USP3: variants seen among roughly 807,000 people sequenced by gnomAD.
USP3 encodes the protein ubiquitin carboxyl-terminal hydrolase 3.
A neutral mutation model predicts 72.3 loss-of-function variants in USP3; 20 were observed. The ratio of observed to expected loss-of-function variants is 0.28; its 90% CI spans 0.19 to 0.40. The LOEUF (loss-of-function observed/expected upper bound fraction) is 0.40, where lower values mean the gene tolerates loss of function less well. USP3 is among the 10% of genes least tolerant of loss of function. USP3 has a pLI of 1.00. For missense variants in USP3, 479 were observed against 633.9 expected, an observed-to-expected ratio of 0.76 and a Z score of 2.62; for synonymous variants, 222 against 225.3, an observed-to-expected ratio of 0.99 and a Z score of 0.13.
chr15:63,576,805 A>G (rs1353788600), intron 11 of USP3, among the ~76,000 whole-genome samples: 2 of 152,196 alleles, frequency 1.3e-5, no homozygotes, highest in African/African-American at 4.8e-5. Flanking sequence ...AGTCGATGAC[A>G]GGGTCTGGTA....
rs79989581 is a variant in USP3 at position 63,552,420 on chromosome 15, C to T, written c.285-1295C>T. ...ATTTCTTTATGTAGTTGTTATAGGA[C>T]CAATGAAGAATTTTTTCTCCTGCTG... On this transcript the variant is annotated intron_variant, in intron 3 of 14. Transcript: ENST00000380324. 3.8e-3 allele frequency among the ~76,000 whole-genome samples: 573 copies of T among 152,094 alleles called. 29 individuals are homozygous for T. The East Asian group carries it at 0.098, about 26-fold the overall frequency.
chr15:63,589,118 A>T (rs2067134266), intron 14 of USP3, 107 bp downstream of exon 14: 3 of 1,307,848 alleles, frequency 2.3e-6, no homozygotes, highest in South Asian at 2.5e-5. Context: ...ATGGATTCAG[A>T]TAAAGTAGGT....
At chr15:63,569,328 C>T (rs1477342957) in intron 8 of USP3, among the ~76,000 whole-genome samples, 1 of 152,100 alleles carries the variant, frequency 6.6e-6, no homozygotes, top group Non-Finnish European at 1.5e-5. Flanking sequence ...ATTTAGTTGC[C>T]AGCTAGTTTA....
intron 2 of USP3, among the ~76,000 whole-genome samples, chr15:63,534,141 T>G (rs2066118306): frequency 1.3e-5 from 2 of 152,210 alleles, no homozygotes; most frequent in African/African-American, 4.8e-5. Flanking sequence ...CAAACAAGCT[T>G]AAATTTAGAA....
At chr15:63,563,944 T>C (rs8034704) in intron 8 of USP3, among the ~76,000 whole-genome samples, 86 of 152,360 alleles carry the variant, frequency 5.6e-4, no homozygotes, top group African/African-American at 2.0e-3. Context: ...GTGTTAACCC[T>C]AGTCTTGGTT....
chr15:63,522,646 T>C (rs776737035), intron 1 of USP3, among the ~76,000 whole-genome samples: 1 of 152,114 alleles, frequency 6.6e-6, no homozygotes, highest in Non-Finnish European at 1.5e-5. Flanking sequence ...TGGTGTGATA[T>C]GAAATTCTTA....
intron 3 of USP3, among the ~76,000 whole-genome samples, chr15:63,545,875 G>A (rs1200350758): frequency 2.0e-5 from 3 of 146,920 alleles, no homozygotes; most frequent in Non-Finnish European, 3.0e-5. Context: ...GGAGGCTGAG[G>A]TAGGAGTATG....
At chr15:63,578,202 G>A (rs1409392617) in intron 11 of USP3, among the ~76,000 whole-genome samples, 4 of 149,152 alleles carry the variant, frequency 2.7e-5, no homozygotes, top group African/African-American at 1.0e-4. Flanking sequence ...CTTGAACCGG[G>A]GAGGGAGGTT....
Position 63,544,432 on chromosome 15 carries a change from C to G in USP3, c.284+7276C>G. ...CCAAAACTAGTGAAAGGGGAAGTAGCTGGATTTCAATCCAAAGTTATTGTT... is the reference window on the plus strand; with the variant it reads ...CCAAAACTAGTGAAAGGGGAAGTAGGTGGATTTCAATCCAAAGTTATTGTT... On this transcript the variant is annotated intron_variant, in intron 3 of 14. Transcript: ENST00000380324. This position sits in a 1 kb window ranked among gnomAD's most constrained non-coding sequence, Gnocchi z 4.2. The G allele has an allele frequency of 2.3e-6, 1 of 426,532 alleles. No individual in the cohort carries two copies. Among genetic ancestry groups the G allele is most frequent in the Non-Finnish European group, 4.2e-6 (1 of 239,250 alleles). The allele number at this position is 426,532 out of a possible 1,614,324, so 26.4% of individuals were successfully genotyped here.
chr15:63,568,287 G>A lies in USP3; in HGVS notation c.762-2146G>A, dbSNP rs146700465. On this transcript the variant is annotated intron_variant, in intron 8 of 14. Transcript: ENST00000380324. Reference sequence around the variant, plus strand: ...GGAGAATCCCTTGAACCAGGGAGTCGGAGGTTGCAGTGAGCCAAGATAGCA... The same window carrying A: ...GGAGAATCCCTTGAACCAGGGAGTCAGAGGTTGCAGTGAGCCAAGATAGCA... Among the ~76,000 whole-genome samples the A allele has an allele frequency of 3.4e-4, 52 of 151,640 alleles. No homozygotes were observed. The East Asian group carries it at 8.7e-3, about 25-fold the overall frequency.
Position 63,562,908 on chromosome 15 carries a change from G to A in USP3, c.661G>A (p.Glu221Lys). The A allele has an allele frequency of 6.2e-7, 1 of 1,609,056 alleles. No individual in the cohort carries two copies. Among genetic ancestry groups the A allele is most frequent in the Non-Finnish European group, 8.5e-7 (1 of 1,178,084 alleles). Residue 221 changes from glutamate (E) to lysine (K), a missense_variant, in exon 8 of 15, where the codon GAG becomes AAG. Physicochemically the swap from Glu to Lys is moderately conservative, Grantham distance 56. Coordinates refer to ENST00000380324, the MANE Select transcript of USP3 (RefSeq NM_006537.4). ...CCTCTTTTGCAGGTCTTTGGTAGAAGAGTTTAGAAAGACACTCTGTGCTTT... is the reference window on the plus strand; with the variant it reads ...CCTCTTTTGCAGGTCTTTGGTAGAAAAGTTTAGAAAGACACTCTGTGCTTT... Reference protein sequence around the residue: ...QGDNNVSLVEEFRKTLCALWQ... With the variant: ...QGDNNVSLVEKFRKTLCALWQ...
In USP3 at chr15:63,592,308, A is replaced by G. The variant is rs1212231974; in HGVS notation, c.*1482A>G. 2.0e-5 allele frequency: 3 copies of G among 150,772 alleles called. No individual in the cohort carries two copies. The highest frequency in any genetic ancestry group is 7.3e-5 in the African/African-American group (3 of 40,932). 9.3% of individuals were successfully genotyped at this position (150,772 alleles called of 1,614,324 possible). A position where few individuals can be genotyped will look rare whatever the true frequency, so the allele number is the denominator to read the frequency against. On this transcript the variant is annotated 3_prime_UTR_variant, in exon 15 of 15. Coordinates refer to ENST00000380324, the MANE Select transcript of USP3 (RefSeq NM_006537.4). ...AAAGAAAGCAGTTGTGGTTTCTACA[A>G]GTGTTCTAAGACAGTCCTGTGGTGG...
intron 11 of USP3, among the ~76,000 whole-genome samples, chr15:63,584,857 C>A (rs2067029137): frequency 6.6e-6 from 1 of 152,066 alleles, no homozygotes; most frequent in Admixed American, 6.5e-5. Flanking sequence ...AAGCTTTTCC[C>A]CTACATTTTC....
chr15:63,529,369 C>A lies in USP3; in HGVS notation c.92-3278C>A, dbSNP rs139293270. ...CATCTTAAAGTGAACAATTCAGTGG[C>A]GTTTAGTACATCCACAATTGTTTTA... On this transcript the variant is annotated intron_variant, in intron 1 of 14. Transcript: ENST00000380324. The surrounding 1 kb of genome is among the most constrained non-coding windows in gnomAD (Gnocchi z 4.2). 6.6e-6 allele frequency among the ~76,000 whole-genome samples: 1 copy of A among 152,142 alleles called. No individual in the cohort carries two copies. Among genetic ancestry groups the A allele is most frequent in the African/African-American group, 2.4e-5 (1 of 41,520 alleles).
intron 11 of USP3, chr15:63,587,880 T>TTCTGTGATCTATG (rs1566920971): frequency 1.2e-4 from 19 of 154,188 alleles, no homozygotes; most frequent in Admixed American, 6.4e-4. Flanking sequence ...GTTGATAGTG[T>TTCTGTGATCTATG]AGCCTTCTGT....
intron 7 of USP3, among the ~76,000 whole-genome samples, chr15:63,561,528 T>C (rs2066607585): frequency 6.6e-6 from 1 of 152,192 alleles, no homozygotes; most frequent in Non-Finnish European, 1.5e-5. Context: ...GACACAGCCA[T>C]GCTGCTGCCC....
intron 7 of USP3, among the ~76,000 whole-genome samples, chr15:63,560,455 C>T (rs906674303): frequency 4.0e-5 from 6 of 151,336 alleles, no homozygotes; most frequent in Non-Finnish European, 8.8e-5. Flanking sequence ...CTTTATTTAC[C>T]GTAACAGGAG....
chr15:63,572,723 T>C (rs1463611450), intron 9 of USP3, among the ~76,000 whole-genome samples: 1 of 152,190 alleles, frequency 6.6e-6, no homozygotes. Flanking sequence ...TGACAGAAAC[T>C]ACCTTATATT....
intron 1 of USP3, among the ~76,000 whole-genome samples, chr15:63,518,280 C>G (rs1462700705): frequency 1.3e-5 from 2 of 152,144 alleles, no homozygotes; most frequent in Non-Finnish European, 2.9e-5. Flanking sequence ...GGGGTTCGAC[C>G]TTGCTTGGAA....
Sources: gnomAD v4.1 joint callset for allele counts (sites outside exome capture counted in the v4.1 genomes callset) on GRCh38, gnomAD v4.1.1 for gene constraint, Gnocchi (gnomAD v3.1) non-coding constraint, MANE v1.5 for transcripts, NCBI Gene and HGNC (gene_info 2026-07-23, HGNC 2026-07-21) for gene names.